Variants in SORCS3 observed in about 807,000 individuals in gnomAD.
SORCS3 encodes the protein VPS10 domain-containing receptor SorCS3.
Under a neutral mutation model 146.3 loss-of-function variants are expected in SORCS3, and 57 were observed. The ratio of observed to expected loss-of-function variants is 0.39; its 90% CI spans 0.31 to 0.49. The LOEUF (loss-of-function observed/expected upper bound fraction) is 0.49, where lower values mean the gene tolerates loss of function less well. Ranked by LOEUF, SORCS3 falls within the 20% of genes least tolerant of loss-of-function variation. SORCS3 has a pLI of 0.92. For missense variants in SORCS3, 1,341 were observed against 1,575.5 expected (o/e 0.85, Z 2.52); for synonymous variants, 653 against 618.5 (o/e 1.06, Z -0.83).
intron 1 of SORCS3, among the ~76,000 whole-genome samples, chr10:104,841,603 C>A (rs1464341486): frequency 2.0e-5 from 3 of 152,102 alleles, no homozygotes; most frequent in Non-Finnish European, 4.4e-5. Context: ...GAGAATAAAT[C>A]TCAAAGTGAG....
chr10:104,723,588 C>T (rs2016580202), intron 1 of SORCS3, among the ~76,000 whole-genome samples: 1 of 151,894 alleles, frequency 6.6e-6, no homozygotes, highest in Non-Finnish European at 1.5e-5. Flanking sequence ...GTGTTAAAGT[C>T]TCCCATTATT....
intron 7 of SORCS3, among the ~76,000 whole-genome samples, chr10:105,108,526 A>G (rs886576635): frequency 4.6e-5 from 7 of 152,166 alleles, no homozygotes; most frequent in Non-Finnish European, 8.8e-5. Context: ...GGCTACTCCA[A>G]TATTCAGAGT....
chr10:104,798,590 C>A (rs2017585571), intron 1 of SORCS3, among the ~76,000 whole-genome samples: 1 of 152,170 alleles, frequency 6.6e-6, no homozygotes, highest in Non-Finnish European at 1.5e-5. Flanking sequence ...TGCAAAATGG[C>A]ATAGCCACCT....
Position 104,868,221 on chromosome 10 carries a change from CTT to C in SORCS3, c.695+25364_695+25365del, listed in dbSNP as rs748556275. On this transcript the variant is annotated intron_variant, in intron 2 of 26. Transcript: ENST00000369701. ...TGGCTGCCATCTTGGGGAAATGTCT[CTT>C]TGTAAATAACGTGTGCAGCTATAGA... 9.2e-5 allele frequency among the ~76,000 whole-genome samples: 14 copies of C among 152,276 alleles called. 1 individual carries two copies. Among genetic ancestry groups the C allele is most frequent in the East Asian group, 5.8e-4 (3 of 5,182 alleles).
chr10:104,797,288 C>T (rs2017567746), intron 1 of SORCS3, among the ~76,000 whole-genome samples: 1 of 152,144 alleles, frequency 6.6e-6, no homozygotes, highest in African/African-American at 2.4e-5. Context: ...AATGATAGTA[C>T]TTGAGGTAAA....
chr10:104,797,121 G>A (rs2017565613), intron 1 of SORCS3, among the ~76,000 whole-genome samples: 1 of 152,120 alleles, frequency 6.6e-6, no homozygotes, highest in African/African-American at 2.4e-5. Flanking sequence ...CTTTTAAGAA[G>A]GATGAAATTC....
chr10:105,116,596 A>C (rs1436583560), intron 7 of SORCS3, among the ~76,000 whole-genome samples: 1 of 152,150 alleles, frequency 6.6e-6, no homozygotes, highest in Non-Finnish European at 1.5e-5. Context: ...TGTGTTCATC[A>C]CAGCTTTGTT....
chr10:105,159,013 G>A lies in SORCS3; in HGVS notation c.1732+19G>A, dbSNP rs1290660594. ...GCTACAGGTAAGAAAAACATTCCCT[G>A]TGCTTCTTCCTTACTGAGAGTGTCT... On this transcript the variant is annotated intron_variant, in intron 11 of 26. Coordinates refer to ENST00000369701, the MANE Select transcript of SORCS3 (RefSeq NM_014978.3). The A allele has an allele frequency of 1.9e-6, 3 of 1,551,792 alleles. No individual in the cohort carries two copies. The highest frequency in any genetic ancestry group is 1.8e-6 in the Non-Finnish European group (2 of 1,126,100).
chr10:105,126,484 T>C (rs1280342455), intron 7 of SORCS3, among the ~76,000 whole-genome samples: 1 of 152,158 alleles, frequency 6.6e-6, no homozygotes, highest in Admixed American at 6.6e-5. Flanking sequence ...AGATAAAATG[T>C]CCTTCAGTGT....
At chr10:105,028,078 A>G (rs2133693430) in intron 4 of SORCS3, among the ~76,000 whole-genome samples, 1 of 152,330 alleles carries the variant, frequency 6.6e-6, no homozygotes, top group African/African-American at 2.4e-5. Flanking sequence ...CAGTGGCTTT[A>G]TAGATCATAA....
At chr10:105,055,807 T>A (rs1176332909) in intron 5 of SORCS3, among the ~76,000 whole-genome samples, 1 of 152,188 alleles carries the variant, frequency 6.6e-6, no homozygotes, top group East Asian at 1.9e-4. Flanking sequence ...TTATTATACT[T>A]GCTAAAACTA....
chr10:105,040,657 T>C (rs998280549), intron 4 of SORCS3, among the ~76,000 whole-genome samples: 2 of 152,144 alleles, frequency 1.3e-5, no homozygotes, highest in Non-Finnish European at 2.9e-5. Context: ...TGAATGGGTT[T>C]TGTGTACTAT....
chr10:105,168,806 A>T (rs58778955), intron 13 of SORCS3, among the ~76,000 whole-genome samples: 1 of 152,202 alleles, frequency 6.6e-6, no homozygotes, highest in Non-Finnish European at 1.5e-5. Context: ...AACCTAGCTT[A>T]TAGTGAAATA....
intron 20 of SORCS3, among the ~76,000 whole-genome samples, chr10:105,235,072 C>T (rs563428521): frequency 3.0e-4 from 46 of 152,184 alleles, no homozygotes; most frequent in African/African-American, 1.1e-3. Context: ...TTTGTTCTCC[C>T]TCTCCTGATC....
chr10:104,794,833 C>T (rs2017534985), intron 1 of SORCS3, among the ~76,000 whole-genome samples: 2 of 152,110 alleles, frequency 1.3e-5, no homozygotes, highest in Non-Finnish European at 2.9e-5. Flanking sequence ...CCCTTTCCCT[C>T]GGGATAGTGT....
At chr10:104,903,697 G>T (rs2018875928) in intron 2 of SORCS3, among the ~76,000 whole-genome samples, 1 of 152,156 alleles carries the variant, frequency 6.6e-6, no homozygotes, top group African/African-American at 2.4e-5. Context: ...GATGGATAGA[G>T]TCAAAACTAT....
intron 7 of SORCS3, among the ~76,000 whole-genome samples, chr10:105,124,743 A>T (rs1380476951): frequency 6.6e-6 from 1 of 151,758 alleles, no homozygotes; most frequent in Non-Finnish European, 1.5e-5. Context: ...GCCACTTCCC[A>T]CCTCTCCCTC....
chr10:105,227,573 G>A (rs1269037352), intron 20 of SORCS3, among the ~76,000 whole-genome samples: 2 of 152,082 alleles, frequency 1.3e-5, no homozygotes, highest in African/African-American at 2.4e-5. Flanking sequence ...TTGGTCTAAT[G>A]TGCAGTTTAA....
intron 1 of SORCS3, among the ~76,000 whole-genome samples, chr10:104,690,793 C>T (rs1261656536): frequency 6.6e-6 from 1 of 152,180 alleles, no homozygotes; most frequent in Non-Finnish European, 1.5e-5. Context: ...CTGCTGACCC[C>T]TGACTGTGCA....
Sources: allele counts gnomAD v4.1 joint callset (sites outside exome capture counted in the v4.1 genomes callset), GRCh38; gene constraint gnomAD v4.1.1; transcripts MANE v1.5; gene names NCBI Gene and HGNC (gene_info 2026-07-23, HGNC 2026-07-21).